DOCK1: variants seen among roughly 807,000 people sequenced by gnomAD.
DOCK1 encodes the protein dedicator of cytokinesis 1.
DOCK1 carries 138 observed loss-of-function variants against 262.7 expected under a neutral mutation model. The observed-to-expected ratio is 0.53, with a 90% CI of 0.46 to 0.61. The LOEUF is 0.61. Ranked by LOEUF, DOCK1 falls within the 20% of genes least tolerant of loss-of-function variation. The pLI, the probability that DOCK1 is intolerant of heterozygous loss-of-function variation, is 0.00. For synonymous variants in DOCK1, 866 were observed against 867.4 expected (o/e 1.00, Z 0.03); for missense variants, 1,908 against 2,370.7 (o/e 0.80, Z 4.05).
chr10:127,176,217 C>T lies in DOCK1; in HGVS notation c.2847+48453C>T, dbSNP rs768598681. 9.3e-6 allele frequency: 15 copies of T among 1,614,060 alleles called. No homozygotes were observed. Among genetic ancestry groups the T allele is most frequent in the South Asian group, 8.8e-5 (8 of 91,084 alleles). ...CTGGCCCGAGGACAGCTGTGTGTCC[C>T]TCTGCTCATTCTGTGCCTCGCAGAT... On this transcript the variant is annotated intron_variant, in intron 27 of 51. Coordinates refer to ENST00000623213, the MANE Select transcript of DOCK1 (RefSeq NM_001290223.2). This position sits in a 1 kb window ranked among gnomAD's most constrained non-coding sequence, Gnocchi z 4.4.
intron 25 of DOCK1, among the ~76,000 whole-genome samples, chr10:127,120,179 A>C (rs2133007312): frequency 6.6e-6 from 1 of 152,326 alleles, no homozygotes; most frequent in African/African-American, 2.4e-5. Flanking sequence ...CCGTAGCCTA[A>C]GTCAGCACTG....
chr10:127,249,109 C>T (rs1229818535), intron 28 of DOCK1, among the ~76,000 whole-genome samples: 1 of 152,112 alleles, frequency 6.6e-6, no homozygotes, highest in African/African-American at 2.4e-5. Context: ...TCATAGATAC[C>T]TGCAGAACAT....
In DOCK1 at chr10:127,381,300, C is replaced by T. The variant is rs2065811198; in HGVS notation, c.3739C>T (p.Leu1247=). 5 of 1,612,172 alleles carry T rather than the reference C, an allele frequency of 3.1e-6. No individual in the cohort carries two copies. The highest frequency in any genetic ancestry group is 3.4e-6 in the Non-Finnish European group (4 of 1,178,786). Residue 1247 remains leucine (L), a synonymous_variant, in exon 37 of 52, where the codon CTG becomes TTG. Transcript: ENST00000623213. ...YIRYLYKLCD[L]HKECDNYTEA... ...CAGGTATTTGTACAAGCTCTGTGAC[C>T]TGCACAAGGAGTGTGATAACTACAC...
Position 127,288,804 on chromosome 10 carries a change from CACAT to C in DOCK1, c.3044+31377_3044+31380del, listed in dbSNP as rs1433496521. ...ACACACACACACACACACACACACA[CACAT>C]AAAATAGTTTCAGAATAACAATACC... On this transcript the variant is annotated intron_variant, in intron 29 of 51. Coordinates refer to ENST00000623213, the MANE Select transcript of DOCK1 (RefSeq NM_001290223.2). Among the ~76,000 whole-genome samples the C allele has an allele frequency of 2.9e-3, 426 of 147,488 alleles. 1 individual carries two copies. Among genetic ancestry groups the C allele is most frequent in the African/African-American group, 7.0e-3 (278 of 39,592 alleles).
At chr10:127,016,296 G>A (rs567413430) in intron 12 of DOCK1, among the ~76,000 whole-genome samples, 1 of 152,300 alleles carries the variant, frequency 6.6e-6, no homozygotes, top group South Asian at 2.1e-4. Context: ...GGTTTCACCA[G>A]CTGGCAAAGA....
At chr10:127,257,608 C>G (rs1205676760) in intron 29 of DOCK1, 179 bp downstream of exon 29, 1 of 482,004 alleles carries the variant, frequency 2.1e-6, no homozygotes, top group Non-Finnish European at 3.7e-6. Context: ...TGGTGACTTC[C>G]TTATGACAAC....
intron 31 of DOCK1, among the ~76,000 whole-genome samples, chr10:127,351,979 G>A (rs576840779): frequency 1.9e-4 from 29 of 151,604 alleles, no homozygotes; most frequent in African/African-American, 4.6e-4. Flanking sequence ...CTTGATGCCC[G>A]CAGGCCCGGC....
chr10:126,976,525 T>C (rs2038553571), intron 2 of DOCK1, among the ~76,000 whole-genome samples: 1 of 152,186 alleles, frequency 6.6e-6, no homozygotes, highest in Admixed American at 6.5e-5. Flanking sequence ...AATTTTCACC[T>C]TTTGAGAGAG....
intron 1 of DOCK1, among the ~76,000 whole-genome samples, chr10:126,929,732 G>T (rs959502968): frequency 2.0e-5 from 3 of 152,098 alleles, no homozygotes; most frequent in Admixed American, 2.0e-4. Flanking sequence ...GAGGGGCAGG[G>T]GAAGCAGGCG....
intron 1 of DOCK1, among the ~76,000 whole-genome samples, chr10:126,949,813 G>T: frequency 6.6e-6 from 1 of 152,160 alleles, no homozygotes; most frequent in East Asian, 1.9e-4. Context: ...ACATGTCTCT[G>T]GCTGGTTTTA....
At chr10:127,365,407 T>C (rs2064851311) in intron 33 of DOCK1, among the ~76,000 whole-genome samples, 1 of 152,256 alleles carries the variant, frequency 6.6e-6, no homozygotes, top group Admixed American at 6.5e-5. Context: ...GGCCCCAGTT[T>C]CACTGCCAAC....
rs1307055703 is a variant in DOCK1 at position 127,176,307 on chromosome 10, T to A, written c.2847+48543T>A. ...AATCTGCCGGTTGGGGTCCAGGGCG[T>A]ATTTCATCTCCAGGGCCAGGCAGGC... On this transcript the variant is annotated intron_variant, in intron 27 of 51. Coordinates refer to ENST00000623213, the MANE Select transcript of DOCK1 (RefSeq NM_001290223.2). The surrounding 1 kb of genome is among the most constrained non-coding windows in gnomAD (Gnocchi z 4.4). The A allele has an allele frequency of 6.2e-7, 1 of 1,614,034 alleles. No individual in the cohort carries two copies. Among genetic ancestry groups the A allele is most frequent in the South Asian group, 1.1e-5 (1 of 91,074 alleles).
At chr10:127,262,239 C>T (rs1396829686) in intron 29 of DOCK1, among the ~76,000 whole-genome samples, 2 of 135,374 alleles carry the variant, frequency 1.5e-5, no homozygotes, top group Admixed American at 7.5e-5. Context: ...TACCCGTGCT[C>T]ATCTGTGTGT....
intron 49 of DOCK1, among the ~76,000 whole-genome samples, chr10:127,443,689 T>C (rs1243200166): frequency 2.0e-5 from 3 of 152,174 alleles, no homozygotes; most frequent in Non-Finnish European, 4.4e-5. Context: ...TGTGTGTGTG[T>C]ATCTCTTAGG....
chr10:126,957,447 G>A (rs995577093), intron 1 of DOCK1, among the ~76,000 whole-genome samples: 83 of 152,234 alleles, frequency 5.5e-4, no homozygotes, highest in African/African-American at 1.7e-3. Flanking sequence ...AACAGTTCAC[G>A]CTGGAATGTT....
intron 27 of DOCK1, among the ~76,000 whole-genome samples, chr10:127,205,973 A>G (rs1299485046): frequency 6.6e-6 from 1 of 152,194 alleles, no homozygotes; most frequent in Admixed American, 6.5e-5. Flanking sequence ...TGACTTATCA[A>G]CAAGTAAACC....
In DOCK1 at chr10:127,252,658, G is replaced by T. The variant is rs376184703; in HGVS notation, c.2949+4549G>T. Among the ~76,000 whole-genome samples, 1,210 of 150,854 alleles carry T rather than the reference G, an allele frequency of 8.0e-3. 22 individuals carry two copies. The highest frequency in any genetic ancestry group is 0.028 in the African/African-American group (1,151 of 41,182). On this transcript the variant is annotated intron_variant, in intron 28 of 51. Coordinates refer to ENST00000623213, the MANE Select transcript of DOCK1 (RefSeq NM_001290223.2). ...TTAAATAGGGAATCCTTTCCCCATTGCTTGTTTTTCTCAGGTTTGTCAAAG... is the reference window on the plus strand; with the variant it reads ...TTAAATAGGGAATCCTTTCCCCATTTCTTGTTTTTCTCAGGTTTGTCAAAG...
intron 29 of DOCK1, among the ~76,000 whole-genome samples, chr10:127,266,480 AACAC>A (rs68190118): frequency 5.8e-4 from 87 of 149,172 alleles, no homozygotes; most frequent in East Asian, 1.4e-3. Context: ...TAAGTACCAA[AACAC>A]ACACACACAC....
chr10:126,943,764 A>G lies in DOCK1; in HGVS notation c.47-26938A>G, dbSNP rs951386629. Among the ~76,000 whole-genome samples, 12 of 152,008 alleles carry G rather than the reference A, an allele frequency of 7.9e-5. 1 individual carries two copies. Among genetic ancestry groups the G allele is most frequent in the Admixed American group, 7.9e-4 (12 of 15,256 alleles). On this transcript the variant is annotated intron_variant, in intron 1 of 51. Transcript: ENST00000623213. ...CTTTTTAAATAGGTGCTTTGAAGAG[A>G]TTAGATATGAGTTAATGAGATGAAG...
Sources: allele counts gnomAD v4.1 joint callset (sites outside exome capture counted in the v4.1 genomes callset), GRCh38; gene constraint gnomAD v4.1.1; non-coding constraint Gnocchi (gnomAD v3.1); transcripts MANE v1.5; gene names NCBI Gene and HGNC (gene_info 2026-07-23, HGNC 2026-07-21).